The following NRXN1 variants were observed in gnomAD, a reference collection of about 807,000 sequenced individuals.
The protein encoded by NRXN1 is neurexin-1.
In NRXN1, 39 loss-of-function variants were observed where a neutral mutation model predicts 150.9. That is an observed-to-expected ratio of 0.26 (90% CI 0.20 to 0.34). The LOEUF is 0.34. NRXN1 is among the 10% of genes least tolerant of loss of function. The probability of loss-of-function intolerance (pLI) is 1.00; values close to 1 mark genes in which losing one functional copy is unlikely to be tolerated. For missense variants in NRXN1, 1,815 were observed against 1,949.9 expected (o/e 0.93, Z 1.30); for synonymous variants, 924 against 757.0 (o/e 1.22, Z -3.62).
chr2:50,517,796 G>T (rs2092672526), intron 12 of NRXN1, among the ~76,000 whole-genome samples: 1 of 152,082 alleles, frequency 6.6e-6, no homozygotes, highest in South Asian at 2.1e-4. Flanking sequence ...AAAAAACACA[G>T]ATCTTGTCCT....
chr2:50,574,927 G>A (rs185751171), intron 8 of NRXN1, among the ~76,000 whole-genome samples: 1 of 152,228 alleles, frequency 6.6e-6, no homozygotes, highest in Non-Finnish European at 1.5e-5. Context: ...GAACTGCTGC[G>A]TGCACACCAC....
At chr2:50,460,400 G>T (rs1373184299) in intron 17 of NRXN1, among the ~76,000 whole-genome samples, 2 of 152,028 alleles carry the variant, frequency 1.3e-5, no homozygotes, top group Non-Finnish European at 2.9e-5. Flanking sequence ...TCATCAAGCT[G>T]CTCAACAGTG....
chr2:50,959,507 C>A (rs1480743710), intron 2 of NRXN1, among the ~76,000 whole-genome samples: 1 of 151,942 alleles, frequency 6.6e-6, no homozygotes, highest in Non-Finnish European at 1.5e-5. Context: ...AATGCCACAT[C>A]TTATATGATT....
chr2:50,926,272 G>C (rs992174984), intron 2 of NRXN1, among the ~76,000 whole-genome samples: 2 of 151,790 alleles, frequency 1.3e-5, no homozygotes, highest in African/African-American at 4.8e-5. Flanking sequence ...GTCTTTCTAG[G>C]CAATTATTTT....
intron 18 of NRXN1, among the ~76,000 whole-genome samples, chr2:50,218,472 C>T (rs2063553136): frequency 6.7e-6 from 1 of 150,124 alleles, no homozygotes; most frequent in South Asian, 2.1e-4. Flanking sequence ...AATGTGTTCT[C>T]CTTAAAGTTA....
intron 21 of NRXN1, among the ~76,000 whole-genome samples, chr2:50,002,336 G>A (rs916415615): frequency 2.6e-5 from 4 of 152,144 alleles, no homozygotes; most frequent in Non-Finnish European, 5.9e-5. Context: ...CTCTGTCTTA[G>A]TTTCAGGCTG....
chr2:50,458,265 G>C (rs2087790258), intron 17 of NRXN1, among the ~76,000 whole-genome samples: 1 of 152,128 alleles, frequency 6.6e-6, no homozygotes, highest in Non-Finnish European at 1.5e-5. Flanking sequence ...AGTAGAATAG[G>C]TGGTAACCAG....
chr2:50,525,571 A>G (rs2092928692), intron 12 of NRXN1, among the ~76,000 whole-genome samples: 3 of 152,164 alleles, frequency 2.0e-5, no homozygotes, highest in Admixed American at 1.3e-4. Flanking sequence ...AGATAAACAT[A>G]TTTTAGCAAT....
In NRXN1 at chr2:50,636,456, T is replaced by C. The variant is rs1036673082; in HGVS notation, c.833-12841A>G. Among the ~76,000 whole-genome samples, 9 of 152,288 alleles carry C rather than the reference T, an allele frequency of 5.9e-5. No homozygotes were observed. The South Asian group carries it at 1.4e-3, about 25-fold the overall frequency. The stretch of plus-strand genomic sequence containing the variant: ...TCCATTCTAAAACTCTATGGTTCTA[T>C]AACATTCTCGATTTATTGAGCCACT... On this transcript the variant is annotated intron_variant, in intron 5 of 22. Coordinates refer to ENST00000401669, the MANE Select transcript of NRXN1 (RefSeq NM_001330078.2).
chr2:50,635,609 T>C (rs1307044988), intron 5 of NRXN1, among the ~76,000 whole-genome samples: 4 of 152,222 alleles, frequency 2.6e-5, no homozygotes, highest in Non-Finnish European at 4.4e-5. Context: ...CTTTCATTTC[T>C]TTCCCAGCAT....
intron 17 of NRXN1, among the ~76,000 whole-genome samples, chr2:50,391,916 T>G (rs1239814458): frequency 6.6e-6 from 1 of 152,184 alleles, no homozygotes; most frequent in African/African-American, 2.4e-5. Context: ...GTAATCTATG[T>G]TTCCGACAAT....
intron 21 of NRXN1, among the ~76,000 whole-genome samples, chr2:49,948,038 A>ATTT (rs962060995): frequency 2.6e-5 from 4 of 152,242 alleles, no homozygotes; most frequent in African/African-American, 9.6e-5. Context: ...TAAAATTTGT[A>ATTT]TCAAAATACA....
chr2:50,971,298 T>G (rs761263190), intron 2 of NRXN1, among the ~76,000 whole-genome samples: 1 of 152,048 alleles, frequency 6.6e-6, no homozygotes, highest in South Asian at 2.1e-4. Context: ...TTTAAAACAA[T>G]AACAGGCCGG....
intron 21 of NRXN1, among the ~76,000 whole-genome samples, chr2:49,988,846 T>A (rs902762983): frequency 6.6e-6 from 1 of 152,134 alleles, no homozygotes; most frequent in Admixed American, 6.6e-5. Flanking sequence ...AAATCTAAAT[T>A]AAGTAAATTG....
chr2:50,239,932 T>C (rs1004228970), intron 17 of NRXN1, among the ~76,000 whole-genome samples: 12 of 151,138 alleles, frequency 7.9e-5, no homozygotes, highest in Non-Finnish European at 1.5e-4. Context: ...GAACATTTAA[T>C]ATATGTAGAT....
chr2:50,229,321 A>ATT lies in NRXN1; in HGVS notation c.3546+7466_3546+7467dup, dbSNP rs202053327. Among the ~76,000 whole-genome samples, 6 of 122,094 alleles carry ATT rather than the reference A, an allele frequency of 4.9e-5. No homozygotes were observed. The East Asian group carries it at 1.2e-3, about 25-fold the overall frequency. 80.1% of individuals were successfully genotyped at this position (122,094 alleles called of 152,430 possible). A position where few individuals can be genotyped will look rare whatever the true frequency, so the allele number is the denominator to read the frequency against. On this transcript the variant is annotated intron_variant, in intron 18 of 22. Coordinates refer to ENST00000401669, the MANE Select transcript of NRXN1 (RefSeq NM_001330078.2). ...GCATTTTGCTTATGGCTTTCAGCGC[A>ATT]TTTTTTTTTGTGTGTGTGTGTGTAA...
chr2:50,997,252 G>A (rs1388158881), intron 2 of NRXN1, among the ~76,000 whole-genome samples: 5 of 151,686 alleles, frequency 3.3e-5, no homozygotes, highest in African/African-American at 4.8e-5. Context: ...TGGGCAACAC[G>A]GCAAAACCCC....
chr2:50,956,173 T>G (rs576814179), intron 2 of NRXN1, among the ~76,000 whole-genome samples: 4 of 152,270 alleles, frequency 2.6e-5, no homozygotes, highest in African/African-American at 7.2e-5. Context: ...GAGAGAGAGA[T>G]CACATTCACA....
rs574204110 is a variant in NRXN1, at chr2:50,387,710, C to T, written c.3364+77732G>A. On this transcript the variant is annotated intron_variant, in intron 17 of 22. Coordinates refer to ENST00000401669, the MANE Select transcript of NRXN1 (RefSeq NM_001330078.2). The stretch of plus-strand genomic sequence containing the variant: ...TGCATGGTCCTATGAAGCTTCTCTT[C>T]GGGGAATCTGTGATTGCTCTTAATG... 3.8e-4 allele frequency among the ~76,000 whole-genome samples: 58 copies of T among 152,136 alleles called. No homozygotes were observed. The South Asian group carries it at 4.2e-3, about 11-fold the overall frequency.
Sources: allele counts gnomAD v4.1 joint callset (sites outside exome capture counted in the v4.1 genomes callset), GRCh38; gene constraint gnomAD v4.1.1; transcripts MANE v1.5; gene names NCBI Gene and HGNC (gene_info 2026-07-23, HGNC 2026-07-21).